The following CADM2 variants were observed in gnomAD, a reference collection of about 807,000 sequenced individuals.
CADM2 encodes the protein cell adhesion molecule 2.
Under a neutral mutation model 49.8 loss-of-function variants are expected in CADM2, and 12 were observed. That is an observed-to-expected ratio of 0.24 (90% confidence interval 0.15 to 0.39). The LOEUF is 0.39. Ranked by LOEUF, CADM2 falls within the 10% of genes least tolerant of loss-of-function variation. The pLI is 1.00. For missense variants in CADM2, 378 were observed against 492.3 expected (o/e 0.77, Z 2.20); for synonymous variants, 214 against 175.4 (o/e 1.22, Z -1.74).
intron 1 of CADM2, among the ~76,000 whole-genome samples, chr3:85,645,629 A>T (rs1228155592): frequency 6.6e-6 from 1 of 152,022 alleles, no homozygotes; most frequent in Admixed American, 6.6e-5. Context: ...TACCACAATT[A>T]TTTTTATTAA....
chr3:85,040,689 C>G lies in CADM2; in HGVS notation c.61+81021C>G, dbSNP rs992257582. On this transcript the variant is annotated intron_variant, in intron 1 of 9. Coordinates refer to ENST00000383699, the MANE Select transcript of CADM2 (RefSeq NM_001167675.2). ...GCATTCTGATTATGGTAGCTAATGG[C>G]AAAAACACAAGCACAGTCCTGAAAT... Among the ~76,000 whole-genome samples the G allele has an allele frequency of 1.4e-4, 22 of 152,068 alleles. 1 individual carries two copies. The highest frequency in any genetic ancestry group is 6.3e-3 in the Middle Eastern group (2 of 316).
chr3:85,471,272 C>T (rs1052213202), intron 1 of CADM2, among the ~76,000 whole-genome samples: 1 of 152,042 alleles, frequency 6.6e-6, no homozygotes, highest in African/African-American at 2.4e-5. Flanking sequence ...TTTGGTTCAT[C>T]CATTGTTCCA....
At chr3:85,207,957 A>G (rs1351156080) in intron 1 of CADM2, among the ~76,000 whole-genome samples, 2 of 152,184 alleles carry the variant, frequency 1.3e-5, no homozygotes, top group African/African-American at 2.4e-5. Flanking sequence ...GCAGTTAGAT[A>G]CATGTATAAA....
chr3:85,857,667 G>T (rs1010288154), intron 3 of CADM2, among the ~76,000 whole-genome samples: 34 of 152,092 alleles, frequency 2.2e-4, no homozygotes, highest in Non-Finnish European at 1.2e-4. Flanking sequence ...GGGACAGGCA[G>T]AACAAATTGG....
At chr3:85,291,897 C>T (rs2043808660) in intron 1 of CADM2, among the ~76,000 whole-genome samples, 1 of 150,668 alleles carries the variant, frequency 6.6e-6, no homozygotes. Context: ...GCAAAATAAC[C>T]AGCTAACATC....
At position 85,833,304 on chromosome 3, in the gene CADM2, T is replaced by C. The variant is rs935104677; in HGVS notation, c.238+31108T>C. On this transcript the variant is annotated intron_variant, in intron 3 of 9. Coordinates refer to ENST00000383699, the MANE Select transcript of CADM2 (RefSeq NM_001167675.2). ...TTGTTGTTGTTGTTGTTGTTGTTGT[T>C]GTGTCTTTGTTAGATTTTGGCATCA... Among the ~76,000 whole-genome samples, 39 of 150,356 alleles carry C rather than the reference T, an allele frequency of 2.6e-4. 1 individual carries two copies. Among genetic ancestry groups the C allele is most frequent in the African/African-American group, 7.1e-4 (29 of 40,722 alleles).
intron 1 of CADM2, among the ~76,000 whole-genome samples, chr3:85,368,258 C>A (rs2032946740): frequency 1.3e-5 from 2 of 152,028 alleles, no homozygotes; most frequent in South Asian, 4.1e-4. Context: ...TCACAGACCA[C>A]TACCTTCTGA....
At chr3:85,924,641 G>A (rs1313985347) in intron 6 of CADM2, among the ~76,000 whole-genome samples, 2 of 145,232 alleles carry the variant, frequency 1.4e-5, no homozygotes, top group Non-Finnish European at 3.0e-5. Context: ...TAAAATGAAC[G>A]AAAGTGCTGA....
chr3:85,004,478 T>C (rs2033628076), intron 1 of CADM2, among the ~76,000 whole-genome samples: 1 of 152,100 alleles, frequency 6.6e-6, no homozygotes, highest in South Asian at 2.1e-4. Flanking sequence ...TTTAGAAAAG[T>C]AAATAAGCAA....
chr3:85,091,297 A>G (rs911148386), intron 1 of CADM2, among the ~76,000 whole-genome samples: 1 of 152,136 alleles, frequency 6.6e-6, no homozygotes, highest in Non-Finnish European at 1.5e-5. Flanking sequence ...TGGCAGCTAA[A>G]TGATCTAGTT....
chr3:85,109,781 G>A (rs963706200), intron 1 of CADM2, among the ~76,000 whole-genome samples: 8 of 151,850 alleles, frequency 5.3e-5, no homozygotes, highest in African/African-American at 1.2e-4. Flanking sequence ...CTTTATGTGC[G>A]ATACTTGATA....
chr3:85,271,817 T>A lies in CADM2; in HGVS notation c.61+312149T>A, dbSNP rs182386941. Among the ~76,000 whole-genome samples the A allele has an allele frequency of 2.0e-5, 3 of 151,358 alleles. No homozygotes were observed. The East Asian group carries it at 5.8e-4, about 29-fold the overall frequency. ...AAATTAAACTGTCAAAAAAGAACCA[T>A]TGTCTTTTGATTATCCCATAATAGA... On this transcript the variant is annotated intron_variant, in intron 1 of 9. Transcript: ENST00000383699.
intron 8 of CADM2, among the ~76,000 whole-genome samples, chr3:86,019,892 C>T (rs575544363): frequency 6.6e-6 from 1 of 152,020 alleles, no homozygotes; most frequent in Non-Finnish European, 1.5e-5. Context: ...CCTAATTGCC[C>T]TGGCCAAAAT....
intron 1 of CADM2, among the ~76,000 whole-genome samples, chr3:85,347,640 CAT>C (rs140172427): frequency 8.8e-5 from 5 of 57,020 alleles, no homozygotes; most frequent in African/African-American, 2.3e-4. Flanking sequence ...AATATATATA[CAT>C]ATATATATAT....
At chr3:85,149,615 T>C (rs1001922253) in intron 1 of CADM2, among the ~76,000 whole-genome samples, 8 of 152,140 alleles carry the variant, frequency 5.3e-5, no homozygotes, top group African/African-American at 1.9e-4. Flanking sequence ...CAGGTGCCTG[T>C]AGTCCCAGTT....
At chr3:85,043,531 A>G (rs939789435) in intron 1 of CADM2, among the ~76,000 whole-genome samples, 3 of 151,918 alleles carry the variant, frequency 2.0e-5, no homozygotes, top group African/African-American at 7.3e-5. Flanking sequence ...AGTAAAATAA[A>G]ATAAAATAGA....
intron 8 of CADM2, among the ~76,000 whole-genome samples, chr3:86,030,834 A>G (rs1578003893): frequency 6.6e-6 from 1 of 151,864 alleles, no homozygotes; most frequent in African/African-American, 2.4e-5. Flanking sequence ...ACAAGGTAAT[A>G]ATTTATTTCT....
At chr3:86,001,824 G>T (rs1285972062) in intron 8 of CADM2, among the ~76,000 whole-genome samples, 3 of 152,028 alleles carry the variant, frequency 2.0e-5, no homozygotes, top group African/African-American at 7.2e-5. Flanking sequence ...ATATTAAAGA[G>T]AAAAATATAC....
chr3:85,279,002 A>G (rs1252371865), intron 1 of CADM2, among the ~76,000 whole-genome samples: 1 of 151,454 alleles, frequency 6.6e-6, no homozygotes, highest in East Asian at 1.9e-4. Flanking sequence ...AGAAAATTGT[A>G]TAGCTTATTA....
Sources: allele counts gnomAD v4.1 joint callset (sites outside exome capture counted in the v4.1 genomes callset), GRCh38; gene constraint gnomAD v4.1.1; transcripts MANE v1.5; gene names NCBI Gene and HGNC (gene_info 2026-07-23, HGNC 2026-07-21).